SNCB: variants seen among roughly 807,000 people sequenced by gnomAD.
The protein encoded by SNCB is synuclein beta.
In SNCB, 8 loss-of-function variants were observed where a neutral mutation model predicts 20.0. The ratio of observed to expected loss-of-function variants is 0.40; its 90% CI spans 0.24 to 0.72. The LOEUF (loss-of-function observed/expected upper bound fraction) is 0.72, where lower values mean the gene tolerates loss of function less well. Ranked by LOEUF, SNCB falls within the 30% of genes least tolerant of loss-of-function variation. The probability of loss-of-function intolerance (pLI) is 0.37; values close to 1 mark genes in which losing one functional copy is unlikely to be tolerated. For missense variants in SNCB, 125 were observed against 168.0 expected (o/e 0.74, Z 1.41); for synonymous variants, 56 against 65.4 (o/e 0.86, Z 0.69).
In SNCB at chr5:176,629,496, C is replaced by T; in HGVS notation, c.121+38G>A. On this transcript the variant is annotated intron_variant, in intron 2 of 5. Transcript: ENST00000393693. This position sits in a 1 kb window ranked among gnomAD's most constrained non-coding sequence, Gnocchi z 4.1. ...CCAGCTCCACACTGTCGGGGGACCC[C>T]CAGCCCTGCAGCCCCAGAAACCCCG... The T allele has an allele frequency of 6.2e-7, 1 of 1,607,708 alleles. No individual in the cohort carries two copies. Among genetic ancestry groups the T allele is most frequent in the East Asian group, 2.2e-5 (1 of 44,560 alleles).
rs1225338660 is a variant in SNCB at position 176,621,544 on chromosome 5, TCCC to T, written c.283-244_283-242del. ...AGTGGGAGCTGGCTCTCCACGCCGC[TCCC>T]CCAATGCCTGGCAGCCTCCACACTT... On this transcript the variant is annotated intron_variant, in intron 4 of 5. Coordinates refer to ENST00000393693, the MANE Select transcript of SNCB (RefSeq NM_003085.5). The surrounding 1 kb of genome is among the most constrained non-coding windows in gnomAD (Gnocchi z 4.1). Among the ~76,000 whole-genome samples, 2 of 152,190 alleles carry T rather than the reference TCCC, an allele frequency of 1.3e-5. No individual in the cohort carries two copies. The highest frequency in any genetic ancestry group is 4.8e-5 in the African/African-American group (2 of 41,446).
rs1380940978 is a variant in SNCB, at chr5:176,626,023, A to G, written c.282+375T>C. Among the ~76,000 whole-genome samples, 3 of 152,130 alleles carry G rather than the reference A, an allele frequency of 2.0e-5. No individual in the cohort carries two copies. Among genetic ancestry groups the G allele is most frequent in the Non-Finnish European group, 2.9e-5 (2 of 68,036 alleles). ...GCTGCAGGAACGTAGGAACCTATTC[A>G]CTGCGGCAGCCTCTACAACAATTCC... is the stretch of plus-strand genomic sequence containing the variant. On this transcript the variant is annotated intron_variant, in intron 4 of 5. Coordinates refer to ENST00000393693, the MANE Select transcript of SNCB (RefSeq NM_003085.5). The surrounding 1 kb of genome is among the most constrained non-coding windows in gnomAD (Gnocchi z 4.2).
chr5:176,623,126 G>T (rs377566801), intron 4 of SNCB, among the ~76,000 whole-genome samples: 3 of 152,034 alleles, frequency 2.0e-5, no homozygotes, highest in Admixed American at 6.5e-5. Flanking sequence ...GCTCACGCCC[G>T]TTACCACTCC....
At position 176,620,596 on chromosome 5, in the gene SNCB, A is replaced by AC; in HGVS notation, c.*214dup. 1 of 601,596 alleles carries AC rather than the reference A, an allele frequency of 1.7e-6. No individual in the cohort carries two copies. The highest frequency in any genetic ancestry group is 2.9e-5 in the Admixed American group (1 of 34,402). 37.3% of individuals were successfully genotyped at this position (601,596 alleles called of 1,614,324 possible). On this transcript the variant is annotated 3_prime_UTR_variant, in exon 6 of 6. Transcript: ENST00000393693. The surrounding 1 kb of genome is among the most constrained non-coding windows in gnomAD (Gnocchi z 4.5). The stretch of plus-strand genomic sequence containing the variant: ...TGGAGGGGCGAGGCTCCCAGCCGCG[A>AC]CCGCAACCCTGGCCCTGTCCATGCC...
Position 176,630,461 on chromosome 5 carries a change from C to A in SNCB, c.-191G>T. On this transcript the variant is annotated 5_prime_UTR_variant, in exon 1 of 6. Transcript: ENST00000393693. The stretch of plus-strand genomic sequence containing the variant: ...CCCGGGTCTCGGGTGCGTAGCCAGC[C>A]ACCGCTCGTTCCTCGCGCCCTGCGA... 1 of 153,080 alleles carries A rather than the reference C, an allele frequency of 6.5e-6. No homozygotes were observed. The highest frequency in any genetic ancestry group is 1.9e-4 in the South Asian group (1 of 5,166). The allele number at this position is 153,080 out of a possible 1,614,324, so 9.5% of individuals were successfully genotyped here.
At chr5:176,625,873 A>T (rs1431574034) in intron 4 of SNCB, among the ~76,000 whole-genome samples, 1 of 152,138 alleles carries the variant, frequency 6.6e-6, no homozygotes, top group East Asian at 1.9e-4. Flanking sequence ...CAGCCAAAAT[A>T]GCCCTCTCAC....
intron 2 of SNCB, among the ~76,000 whole-genome samples, chr5:176,628,081 C>G (rs1160928088): frequency 6.6e-6 from 1 of 152,144 alleles, no homozygotes; most frequent in East Asian, 1.9e-4. Context: ...GAAATGTAGA[C>G]TGAGGCAGGA....
At chr5:176,624,410 A>G (rs914145361) in intron 4 of SNCB, among the ~76,000 whole-genome samples, 1 of 152,228 alleles carries the variant, frequency 6.6e-6, no homozygotes, top group African/African-American at 2.4e-5. Flanking sequence ...GGAAGAGTCA[A>G]TGAGTTAGTT....
In SNCB at chr5:176,626,580, T is replaced by C; in HGVS notation, c.164-64A>G. On this transcript the variant is annotated intron_variant, in intron 3 of 5. Coordinates refer to ENST00000393693, the MANE Select transcript of SNCB (RefSeq NM_003085.5). The surrounding 1 kb of genome is among the most constrained non-coding windows in gnomAD (Gnocchi z 4.2). ...CAGGGGGAAACACCGATGCCCTGCC[T>C]TGTAGTATCCCAGGGCCTGCCCTCC... is the stretch of plus-strand genomic sequence containing the variant. The C allele has an allele frequency of 6.6e-7, 1 of 1,504,250 alleles. No homozygotes were observed. Among genetic ancestry groups the C allele is most frequent in the Non-Finnish European group, 9.3e-7 (1 of 1,080,112 alleles). 93.2% of individuals were successfully genotyped at this position (1,504,250 alleles called of 1,614,324 possible).
rs369694177 is a variant in SNCB, at chr5:176,629,726, G to A, written c.-9-63C>T. 1.2e-4 allele frequency: 181 copies of A among 1,567,482 alleles called. No individual in the cohort carries two copies. The South Asian group carries it at 1.3e-3, about 11-fold the overall frequency. On this transcript the variant is annotated intron_variant, in intron 1 of 5. Coordinates refer to ENST00000393693, the MANE Select transcript of SNCB (RefSeq NM_003085.5). The surrounding 1 kb of genome is among the most constrained non-coding windows in gnomAD (Gnocchi z 4.1). ...CCGCACTCTCACCCCAGCCCCTCCC[G>A]CGGGACGCAGATGCCCCCCTACTCC...
rs948283267 is a variant in SNCB at position 176,630,494 on chromosome 5, C to CGCTCCG, written c.-230_-225dup. On this transcript the variant is annotated 5_prime_UTR_variant, in exon 1 of 6. Coordinates refer to ENST00000393693, the MANE Select transcript of SNCB (RefSeq NM_003085.5). ...GTTCCTCGCGCCCTGCGAGCTCGCGCGCTCCGGCTCCGGCTCCGGCTCCGG... is the reference window on the plus strand; with the variant it reads ...GTTCCTCGCGCCCTGCGAGCTCGCGCGCTCCGGCTCCGGCTCCGGCTCCGGCTCCGG... 3,009 of 153,652 alleles carry CGCTCCG rather than the reference C, an allele frequency of 0.02. 52 individuals carry two copies. Among genetic ancestry groups the CGCTCCG allele is most frequent in the African/African-American group, 0.047 (1,960 of 41,532 alleles). The allele number at this position is 153,652 out of a possible 1,614,324, so 9.5% of individuals were successfully genotyped here.
intron 4 of SNCB, among the ~76,000 whole-genome samples, chr5:176,624,514 G>A (rs1759803386): frequency 6.6e-6 from 1 of 152,270 alleles, no homozygotes; most frequent in East Asian, 1.9e-4. Context: ...GAAATGGGAA[G>A]TCATGGCCGG....
At position 176,629,921 on chromosome 5, in the gene SNCB, C is replaced by G; in HGVS notation, c.-9-258G>C. 1 of 446,182 alleles carries G rather than the reference C, an allele frequency of 2.2e-6. No individual in the cohort carries two copies. Among genetic ancestry groups the G allele is most frequent in the Non-Finnish European group, 4.0e-6 (1 of 249,052 alleles). 27.6% of individuals were successfully genotyped at this position (446,182 alleles called of 1,614,324 possible). On this transcript the variant is annotated intron_variant, in intron 1 of 5. Coordinates refer to ENST00000393693, the MANE Select transcript of SNCB (RefSeq NM_003085.5). The surrounding 1 kb of genome is among the most constrained non-coding windows in gnomAD (Gnocchi z 4.1). ...ATCCGGGCCCTGCAAACTGCAGCCC[C>G]GTCGAACCGGAGTGCTGGGTTCGGC...
At position 176,630,492 on chromosome 5, in the gene SNCB, CGCGCTCCGGCTCCGGCTCCGGCTCCG is replaced by C. The variant is rs1402137549; in HGVS notation, c.-248_-223del. The C allele has an allele frequency of 6.5e-6, 1 of 153,604 alleles. No homozygotes were observed. The highest frequency in any genetic ancestry group is 1.5e-5 in the Non-Finnish European group (1 of 68,856). 9.5% of individuals were successfully genotyped at this position (153,604 alleles called of 1,614,324 possible). The stretch of plus-strand genomic sequence containing the variant: ...TCGTTCCTCGCGCCCTGCGAGCTCG[CGCGCTCCGGCTCCGGCTCCGGCTCCG>C]GCGCTGCGGCAGCTCTGAGCTCAGC... On this transcript the variant is annotated 5_prime_UTR_variant, in exon 1 of 6. Coordinates refer to ENST00000393693, the MANE Select transcript of SNCB (RefSeq NM_003085.5).
At position 176,629,898 on chromosome 5, in the gene SNCB, C is replaced by G. The variant is rs1039889639; in HGVS notation, c.-9-235G>C. On this transcript the variant is annotated intron_variant, in intron 1 of 5. Coordinates refer to ENST00000393693, the MANE Select transcript of SNCB (RefSeq NM_003085.5). The surrounding 1 kb of genome is among the most constrained non-coding windows in gnomAD (Gnocchi z 4.1). ...CGGGAGGGGCCACTGCCTCGGTTAT[C>G]CGGGCCCTGCAAACTGCAGCCCCGT... 2 of 517,186 alleles carry G rather than the reference C, an allele frequency of 3.9e-6. No individual in the cohort carries two copies. The highest frequency in any genetic ancestry group is 3.3e-6 in the Non-Finnish European group (1 of 299,638). 32.0% of individuals were successfully genotyped at this position (517,186 alleles called of 1,614,324 possible). A position where few individuals can be genotyped will look rare whatever the true frequency, so the allele number is the denominator to read the frequency against.
chr5:176,625,036 C>T (rs1759857201), intron 4 of SNCB, among the ~76,000 whole-genome samples: 1 of 152,174 alleles, frequency 6.6e-6, no homozygotes. Context: ...AAGGAGCCCC[C>T]ATCCCCATGG....
chr5:176,625,976 A>G (rs1228138039), intron 4 of SNCB, among the ~76,000 whole-genome samples: 1 of 152,116 alleles, frequency 6.6e-6, no homozygotes. Context: ...GCGTTTTACT[A>G]TCTTCTCCCA....
chr5:176,621,142 C>T lies in SNCB; in HGVS notation c.372+72G>A, dbSNP rs1253679206. On this transcript the variant is annotated intron_variant, in intron 5 of 5. Transcript: ENST00000393693. This position sits in a 1 kb window ranked among gnomAD's most constrained non-coding sequence, Gnocchi z 4.1. ...CCCAACCATCTCATGCCAGGGATGT[C>T]CCACCCCAGCTAGGGACGGCAGCAA... 7.3e-6 allele frequency: 9 copies of T among 1,235,884 alleles called. No individual in the cohort carries two copies. The highest frequency in any genetic ancestry group is 9.3e-6 in the Non-Finnish European group (8 of 855,994). The allele number at this position is 1,235,884 out of a possible 1,614,324, so 76.6% of individuals were successfully genotyped here.
Position 176,629,176 on chromosome 5 carries a change from A to C in SNCB, c.121+358T>G, listed in dbSNP as rs2113417114. Among the ~76,000 whole-genome samples, 1 of 152,300 alleles carries C rather than the reference A, an allele frequency of 6.6e-6. No individual in the cohort carries two copies. The highest frequency in any genetic ancestry group is 2.4e-5 in the African/African-American group (1 of 41,540). ...ATGGGCCGAAGCATTACATGAGGAA[A>C]TGGATGTTATGACATTTTACCCAGT... On this transcript the variant is annotated intron_variant, in intron 2 of 5. Coordinates refer to ENST00000393693, the MANE Select transcript of SNCB (RefSeq NM_003085.5). The surrounding 1 kb of genome is among the most constrained non-coding windows in gnomAD (Gnocchi z 4.1).
Sources: gnomAD v4.1 joint callset for allele counts (sites outside exome capture counted in the v4.1 genomes callset) on GRCh38, gnomAD v4.1.1 for gene constraint, Gnocchi (gnomAD v3.1) non-coding constraint, MANE v1.5 for transcripts, NCBI Gene and HGNC (gene_info 2026-07-23, HGNC 2026-07-21) for gene names.